The following ADCY9 variants were observed in gnomAD, a reference collection of about 807,000 sequenced individuals.
ADCY9 encodes adenylate cyclase 9, also known as adenylate cyclase type 9.
ADCY9 carries 50 observed loss-of-function variants against 101.5 expected under a neutral mutation model. The observed-to-expected ratio is 0.49, with a 90% confidence interval of 0.39 to 0.62. The LOEUF (loss-of-function observed/expected upper bound fraction) is 0.62, where lower values mean the gene tolerates loss of function less well. Among genes scored for constraint, ADCY9 ranks in the 20% least tolerant of loss-of-function variants. ADCY9 has a pLI of 0.00. For missense variants in ADCY9, 1,662 were observed against 1,800.4 expected, an observed-to-expected ratio of 0.92 and a Z score of 1.39; for synonymous variants, 905 against 769.3, an observed-to-expected ratio of 1.18 and a Z score of -2.92.
At chr16:4,065,983 C>T (rs1187052112) in intron 2 of ADCY9, among the ~76,000 whole-genome samples, 2 of 152,184 alleles carry the variant, frequency 1.3e-5, no homozygotes, top group African/African-American at 2.4e-5. Flanking sequence ...GGATTACAGG[C>T]GTGAGCCTCC....
At position 3,969,718 on chromosome 16, in the gene ADCY9, G is replaced by A. The variant is rs541125400; in HGVS notation, c.2871-2752C>T. On this transcript the variant is annotated intron_variant, in intron 10 of 10. Transcript: ENST00000294016. Reference sequence around the variant, plus strand: ...CAGCTTTGACCTCCCAGGCTAAAGCGATCCTCCCGCCTCAGCCTCCAGATT... The same window carrying A: ...CAGCTTTGACCTCCCAGGCTAAAGCAATCCTCCCGCCTCAGCCTCCAGATT... Among the ~76,000 whole-genome samples the A allele has an allele frequency of 6.7e-5, 10 of 148,614 alleles. No individual in the cohort carries two copies. In the East Asian group the frequency reaches 1.8e-3, roughly 27 times the overall value.
At chr16:4,008,920 CG>C (rs1369807178) in intron 2 of ADCY9, among the ~76,000 whole-genome samples, 2 of 152,062 alleles carry the variant, frequency 1.3e-5, no homozygotes, top group East Asian at 3.9e-4. Flanking sequence ...AAGATGCCAT[CG>C]AGAGGCGACG....
rs115808105 is a variant in ADCY9 at position 3,980,010 on chromosome 16, C to G, written c.2520-735G>C. ...ATCATCAGTGTTTCAGAAAATCACA[C>G]CACAGGCTGAACCTGGCTCGTGGCG... On this transcript the variant is annotated intron_variant, in intron 7 of 10. Transcript: ENST00000294016. Among the ~76,000 whole-genome samples, 806 of 152,362 alleles carry G rather than the reference C, an allele frequency of 5.3e-3. 5 individuals carry two copies. Among genetic ancestry groups the G allele is most frequent in the African/African-American group, 0.018 (768 of 41,592 alleles).
chr16:4,059,772 C>T (rs1567133093), intron 2 of ADCY9, among the ~76,000 whole-genome samples: 2 of 152,154 alleles, frequency 1.3e-5, no homozygotes, highest in South Asian at 4.1e-4. Flanking sequence ...GTGATGCACA[C>T]CTGTAGTCTC....
chr16:4,103,567 C>T (rs576462545), intron 2 of ADCY9, among the ~76,000 whole-genome samples: 47 of 152,300 alleles, frequency 3.1e-4, no homozygotes, highest in Admixed American at 2.0e-4. Context: ...TAGTGGCTCA[C>T]GCCTGTAATC....
At chr16:3,976,115 C>A (rs1369117058) in intron 9 of ADCY9, among the ~76,000 whole-genome samples, 1 of 152,168 alleles carries the variant, frequency 6.6e-6, no homozygotes, top group Non-Finnish European at 1.5e-5. Flanking sequence ...CCTCAGCCTC[C>A]TGAGTAGCTG....
chr16:4,067,146 T>A (rs140089462), intron 2 of ADCY9, among the ~76,000 whole-genome samples: 2 of 152,040 alleles, frequency 1.3e-5, no homozygotes, highest in African/African-American at 4.8e-5. Context: ...TGAGAAAAAA[T>A]TCATCCTAAA....
chr16:3,954,015 C>T (rs2055894686), intron 5 of ADCY9, among the ~76,000 whole-genome samples: 2 of 152,220 alleles, frequency 1.3e-5, no homozygotes, highest in South Asian at 4.1e-4. Context: ...AAAATGCCTA[C>T]AAAGCGTGAA....
rs1366944598 is a variant in ADCY9, at chr16:3,992,245, G to C, written c.2108C>G (p.Ala703Gly). 2 of 1,614,126 alleles carry C rather than the reference G, an allele frequency of 1.2e-6. No homozygotes were observed. Among genetic ancestry groups the C allele is most frequent in the Admixed American group, 1.7e-5 (1 of 60,016 alleles). The change falls in exon 5 of 11, where the codon GCA becomes GGA. Residue 703 changes from alanine to glycine, a missense_variant. Around this residue, in one of 5 missense-constraint regions of ADCY9, gnomAD observed 624 missense variants for 639.1 expected, o/e 0.98. Coordinates refer to ENST00000294016, the MANE Select transcript of ADCY9 (RefSeq NM_001116.4). The surrounding 1 kb of genome is among the most constrained non-coding windows in gnomAD (Gnocchi z 4.2). Reference protein sequence around the residue: ...CEILQEKGRWAGVSLDQSALL... With the variant: ...CEILQEKGRWGGVSLDQSALL... ...AGCCGACTGGTCCAGGCTCACCCCTGCCCACCTTCCCTTCTCCTGCAAGAT... is the reference window on the plus strand; with the variant it reads ...AGCCGACTGGTCCAGGCTCACCCCTCCCCACCTTCCCTTCTCCTGCAAGAT...
In ADCY9 at chr16:4,114,409, T is replaced by G; in HGVS notation, c.1034A>C (p.Asp345Ala). 1 of 1,614,170 alleles carries G rather than the reference T, an allele frequency of 6.2e-7. No individual in the cohort carries two copies. The highest frequency in any genetic ancestry group is 8.5e-7 in the Non-Finnish European group (1 of 1,180,046). The part of the protein sequence containing the change: ...HSVMPRIIAD[D>A]LMKQGDEESE... The stretch of plus-strand genomic sequence containing the variant: ...CTCCTCATCTCCCTGCTTCATTAAG[T>G]CATCGGCTATGATTCTTGGCATCAC... Residue 345 changes from aspartate to alanine, a missense_variant, in exon 2 of 11, where the codon GAC becomes GCC. Transcript: ENST00000294016. The surrounding 1 kb of genome is among the most constrained non-coding windows in gnomAD (Gnocchi z 4.3).
chr16:3,995,343 G>C (rs1286227619), intron 3 of ADCY9, among the ~76,000 whole-genome samples: 3 of 152,144 alleles, frequency 2.0e-5, no homozygotes, highest in Non-Finnish European at 4.4e-5. Context: ...TGGGAGGGCT[G>C]CTTGAGTCTG....
At position 4,041,755 on chromosome 16, in the gene ADCY9, GT is replaced by G. The variant is rs35300888; in HGVS notation, c.1694-34198del. On this transcript the variant is annotated intron_variant, in intron 2 of 10. Coordinates refer to ENST00000294016, the MANE Select transcript of ADCY9 (RefSeq NM_001116.4). The stretch of plus-strand genomic sequence containing the variant: ...TGTTTTTATTTATCTGATTTTTTTT[GT>G]TTTTTTTTTTTTTGAGACAAGGTTT... Among the ~76,000 whole-genome samples the G allele has an allele frequency of 6.3e-3, 850 of 135,874 alleles. 1 individual carries two copies. Among genetic ancestry groups the G allele is most frequent in the Admixed American group, 0.012 (159 of 13,372 alleles). 89.1% of individuals were successfully genotyped at this position (135,874 alleles called of 152,430 possible).
At chr16:4,105,855 A>AG (rs2057073767) in intron 2 of ADCY9, among the ~76,000 whole-genome samples, 1 of 152,116 alleles carries the variant, frequency 6.6e-6, no homozygotes. Context: ...CAAAAAGAAA[A>AG]GAAAAAAAAC....
At chr16:4,011,245 A>G (rs2056402492) in intron 2 of ADCY9, among the ~76,000 whole-genome samples, 1 of 152,176 alleles carries the variant, frequency 6.6e-6, no homozygotes, top group Admixed American at 6.5e-5. Flanking sequence ...GCATAGCTAA[A>G]GGATGGCTTG....
chr16:4,035,763 C>T (rs2056584674), intron 2 of ADCY9, among the ~76,000 whole-genome samples: 3 of 152,072 alleles, frequency 2.0e-5, no homozygotes, highest in Non-Finnish European at 4.4e-5. Flanking sequence ...CTTTGGGATG[C>T]CGAGGCAGGC....
chr16:3,988,940 T>C (rs1021770909), intron 6 of ADCY9, 54 bp downstream of exon 6: 20 of 1,366,274 alleles, frequency 1.5e-5, no homozygotes, highest in Admixed American at 3.4e-5. Flanking sequence ...TGAATGACCA[T>C]GTGAGAACAA....
chr16:4,036,462 G>GTT (rs59816813), intron 2 of ADCY9, among the ~76,000 whole-genome samples: 3,049 of 103,556 alleles, frequency 0.029, 189 homozygotes, highest in South Asian at 0.048. Flanking sequence ...GGGTTTGTTT[G>GTT]TTTTTTTTTT....
chr16:3,972,566 A>C (rs1238532913), intron 10 of ADCY9, among the ~76,000 whole-genome samples: 1 of 152,180 alleles, frequency 6.6e-6, no homozygotes, highest in Non-Finnish European at 1.5e-5. Flanking sequence ...TAAATGCAGG[A>C]GTTAATTTAT....
intron 3 of ADCY9, among the ~76,000 whole-genome samples, chr16:4,004,762 T>C (rs1567433658): frequency 6.6e-6 from 1 of 152,134 alleles, no homozygotes; most frequent in East Asian, 1.9e-4. Flanking sequence ...CTGAAGGGAC[T>C]GAGAATTTGG....
Sources: gnomAD v4.1 joint callset for allele counts (sites outside exome capture counted in the v4.1 genomes callset) on GRCh38, gnomAD v4.1.1 for gene constraint, gnomAD v4.1.1 regional missense constraint, Gnocchi (gnomAD v3.1) non-coding constraint, MANE v1.5 for transcripts, NCBI Gene and HGNC (gene_info 2026-07-23, HGNC 2026-07-21) for gene names.